Variants in ENAH observed in about 807,000 individuals in gnomAD.
The protein encoded by ENAH is ENAH actin regulator.
Under a neutral mutation model 78.7 loss-of-function variants are expected in ENAH, and 23 were observed. That is an observed-to-expected ratio of 0.29 (90% CI 0.21 to 0.41). The LOEUF (loss-of-function observed/expected upper bound fraction) is 0.41. ENAH is among the 10% of genes least tolerant of loss of function. The probability of loss-of-function intolerance (pLI) is 1.00; values close to 1 mark genes in which losing one functional copy is unlikely to be tolerated. For missense variants in ENAH, 544 were observed against 691.0 expected, an observed-to-expected ratio of 0.79 and a Z score of 2.39; for synonymous variants, 226 against 241.0, an observed-to-expected ratio of 0.94 and a Z score of 0.58.
intron 2 of ENAH, among the ~76,000 whole-genome samples, chr1:225,557,083 T>C (rs1480106994): frequency 2.0e-5 from 3 of 152,240 alleles, no homozygotes; most frequent in African/African-American, 7.2e-5. Flanking sequence ...TCTTCCTGTT[T>C]CATTCTTCAA....
chr1:225,501,080 T>C lies in ENAH; in HGVS notation c.1539-10A>G. On this transcript the variant is annotated splice_polypyrimidine_tract_variant and intron_variant, in intron 11 of 13. Transcript: ENST00000366843. Reference sequence around the variant, plus strand: ...GGGTGTGGATTTTGGTCTGTATAAATGAGATTTCCAGGACAGGTAAACAAC... The same window carrying C: ...GGGTGTGGATTTTGGTCTGTATAAACGAGATTTCCAGGACAGGTAAACAAC... 6.2e-7 allele frequency: 1 copy of C among 1,610,700 alleles called. No homozygotes were observed. The highest frequency in any genetic ancestry group is 8.5e-7 in the Non-Finnish European group (1 of 1,177,298).
chr1:225,508,784 G>C (rs2096354420), intron 10 of ENAH, among the ~76,000 whole-genome samples: 1 of 152,184 alleles, frequency 6.6e-6, no homozygotes, highest in South Asian at 2.1e-4. Context: ...TCTCATGGAG[G>C]AAAGAATTTG....
chr1:225,507,520 G>GT (rs2096342168), intron 11 of ENAH, among the ~76,000 whole-genome samples: 1 of 152,048 alleles, frequency 6.6e-6, no homozygotes, highest in Non-Finnish European at 1.5e-5. Context: ...GGGTGAAACA[G>GT]TTCTTATTTG....
chr1:225,631,506 G>A (rs542104865), intron 1 of ENAH, among the ~76,000 whole-genome samples: 4 of 151,312 alleles, frequency 2.6e-5, no homozygotes, highest in East Asian at 1.9e-4. Flanking sequence ...CTTGGAAGGC[G>A]GAGGTTGCGG....
chr1:225,539,585 A>C lies in ENAH; in HGVS notation c.350-8947T>G, dbSNP rs563191055. ...CAGTGATACTTTAATAATTAACCCA[A>C]ATCATCGCTCTTAGTAAAAGCTCTT... On this transcript the variant is annotated intron_variant, in intron 3 of 13. Coordinates refer to ENST00000366843, the MANE Select transcript of ENAH (RefSeq NM_018212.6). Among the ~76,000 whole-genome samples the C allele has an allele frequency of 3.3e-5, 5 of 152,192 alleles. No individual in the cohort carries two copies. The South Asian group carries it at 1.0e-3, about 32-fold the overall frequency.
At chr1:225,578,373 G>A (rs1268967737) in intron 1 of ENAH, among the ~76,000 whole-genome samples, 1 of 151,976 alleles carries the variant, frequency 6.6e-6, no homozygotes, top group South Asian at 2.1e-4. Flanking sequence ...TACTTGGGAG[G>A]CTGAGGTAGA....
intron 2 of ENAH, among the ~76,000 whole-genome samples, chr1:225,561,564 G>T (rs2096705765): frequency 6.6e-6 from 1 of 150,498 alleles, no homozygotes; most frequent in Non-Finnish European, 1.5e-5. Context: ...GAAGGTTGCA[G>T]TGAGTTGAGA....
At chr1:225,579,502 T>C (rs79442920) in intron 1 of ENAH, among the ~76,000 whole-genome samples, 36 of 152,300 alleles carry the variant, frequency 2.4e-4, no homozygotes, top group Non-Finnish European at 5.0e-4. Flanking sequence ...AAAGTTTCCT[T>C]CAAATAGAAT....
chr1:225,524,085 T>C (rs1489996069), intron 4 of ENAH, among the ~76,000 whole-genome samples: 1 of 152,216 alleles, frequency 6.6e-6, no homozygotes, highest in African/African-American at 2.4e-5. Flanking sequence ...AAATCACCAA[T>C]ATTATTTTTT....
intron 3 of ENAH, among the ~76,000 whole-genome samples, chr1:225,538,310 A>C (rs2096572229): frequency 6.6e-6 from 1 of 152,130 alleles, no homozygotes; most frequent in Non-Finnish European, 1.5e-5. Context: ...CTGCAGTGGT[A>C]CAGTTGCTGC....
At chr1:225,523,727 T>C (rs1356006577) in intron 4 of ENAH, among the ~76,000 whole-genome samples, 1 of 152,192 alleles carries the variant, frequency 6.6e-6, no homozygotes, top group South Asian at 2.1e-4. Context: ...AATTGGATGG[T>C]TTATAAATTT....
intron 1 of ENAH, among the ~76,000 whole-genome samples, chr1:225,641,133 G>C (rs185938863): frequency 6.6e-6 from 1 of 151,438 alleles, no homozygotes; most frequent in Non-Finnish European, 1.5e-5. Flanking sequence ...AAAGTGCTGG[G>C]ATTACAGGCA....
chr1:225,607,565 T>C (rs1277992775), intron 1 of ENAH, among the ~76,000 whole-genome samples: 1 of 150,102 alleles, frequency 6.7e-6, no homozygotes, highest in Non-Finnish European at 1.5e-5. Context: ...ACGGAGCCAT[T>C]CATCGAAATC....
chr1:225,544,923 A>G (rs2096606350), intron 3 of ENAH, among the ~76,000 whole-genome samples: 1 of 152,224 alleles, frequency 6.6e-6, no homozygotes, highest in Middle Eastern at 3.2e-3. Flanking sequence ...AGTTACTGCT[A>G]TTAAATAGAT....
chr1:225,584,781 A>G (rs939613754), intron 1 of ENAH, among the ~76,000 whole-genome samples: 5 of 152,248 alleles, frequency 3.3e-5, no homozygotes, highest in African/African-American at 1.2e-4. Flanking sequence ...AACAGTACCC[A>G]TATAGTAATA....
intron 6 of ENAH, 179 bp from the exon 7 acceptor site, chr1:225,515,079 G>C (rs2096407270): frequency 3.2e-6 from 2 of 631,914 alleles, no homozygotes; most frequent in Admixed American, 6.3e-5. Flanking sequence ...TGAAATGTAA[G>C]GTCCAAGTAT....
intron 2 of ENAH, among the ~76,000 whole-genome samples, chr1:225,562,816 TAAGAATGATGGCCAGCCAC>T (rs1480641435): frequency 1.9e-4 from 29 of 151,752 alleles, no homozygotes; most frequent in Non-Finnish European, 3.4e-4. Flanking sequence ...TTAAGATATG[TAAGAATGATGGCCAGCCAC>T]AGTGGCTCAT....
chr1:225,623,675 T>C (rs531934539), intron 1 of ENAH, among the ~76,000 whole-genome samples: 1 of 130,848 alleles, frequency 7.6e-6, no homozygotes, highest in South Asian at 2.2e-4. Flanking sequence ...AAGCTCCGCC[T>C]CCTGGGTTCA....
At chr1:225,552,995 AG>A (rs2096648708) in intron 3 of ENAH, among the ~76,000 whole-genome samples, 1 of 152,206 alleles carries the variant, frequency 6.6e-6, no homozygotes, top group Admixed American at 6.5e-5. Flanking sequence ...GCACTTTGGG[AG>A]GCCGAGGTGG....
Sources: allele counts gnomAD v4.1 joint callset (sites outside exome capture counted in the v4.1 genomes callset), GRCh38; gene constraint gnomAD v4.1.1; transcripts MANE v1.5; gene names NCBI Gene and HGNC (gene_info 2026-07-23, HGNC 2026-07-21).